Variants in ZNF71 observed in about 807,000 individuals in gnomAD.
ZNF71 encodes endothelial zinc finger protein induced by tumor necrosis factor alpha.
ZNF71 carries 3 observed loss-of-function variants against 6.7 expected under a neutral mutation model. The observed-to-expected ratio is 0.45, with a 90% CI of 0.20 to 1.16. The LOEUF (loss-of-function observed/expected upper bound fraction) is 1.16. Ranked by LOEUF, ZNF71 falls within the 50% of genes most tolerant of loss-of-function variation. The pLI is 0.25. For synonymous variants in ZNF71, 343 were observed against 311.1 expected, an observed-to-expected ratio of 1.10 and a Z score of -1.08; for missense variants, 688 against 728.6, an observed-to-expected ratio of 0.94 and a Z score of 0.64.
In ZNF71 at chr19:56,595,436, G is replaced by C. The variant is rs535922677; in HGVS notation, c.-53+8G>C. On this transcript the variant is annotated splice_region_variant and intron_variant, in intron 1 of 3. Coordinates refer to ENST00000599599, the MANE Select transcript of ZNF71 (RefSeq NM_001370215.1). ...GACGGCGTGCAGGCCCAGGTACGGG[G>C]AGTGCAGGGCTGGGTGCTGGTCCAG... 6.5e-6 allele frequency: 1 copy of C among 154,242 alleles called. No individual in the cohort carries two copies. The highest frequency in any genetic ancestry group is 1.4e-5 in the Non-Finnish European group (1 of 69,646). The allele number at this position is 154,242 out of a possible 1,614,324, so 9.6% of individuals were successfully genotyped here. A position where few individuals can be genotyped will look rare whatever the true frequency, so the allele number is the denominator to read the frequency against.
chr19:56,613,398 G>A lies in ZNF71; in HGVS notation c.34-414G>A, dbSNP rs1041287463. 1.3e-5 allele frequency among the ~76,000 whole-genome samples: 2 copies of A among 152,198 alleles called. No individual in the cohort carries two copies. The highest frequency in any genetic ancestry group is 1.3e-4 in the Admixed American group (2 of 15,274). On this transcript the variant is annotated intron_variant, in intron 2 of 3. Coordinates refer to ENST00000599599, the MANE Select transcript of ZNF71 (RefSeq NM_001370215.1). The surrounding 1 kb of genome is among the most constrained non-coding windows in gnomAD (Gnocchi z 4.6). ...TGAGGAACTAGTTCTTGAACATTTT[G>A]TGTCTGTATCCCAGCACTGGGCTTG... is the stretch of plus-strand genomic sequence containing the variant.
chr19:56,608,476 C>G (rs2044726476), intron 2 of ZNF71, among the ~76,000 whole-genome samples: 1 of 152,080 alleles, frequency 6.6e-6, no homozygotes, highest in Non-Finnish European at 1.5e-5. Context: ...GAATAATATC[C>G]CATTGTATGC....
rs1191650111 is a variant in ZNF71, at chr19:56,595,341, G to A, written c.-140G>A. ...GCGGCGAGCCGGTGAGTGTGGCTGC[G>A]GGGTCGCGCCCACCCTCTACCTGTG... On this transcript the variant is annotated 5_prime_UTR_variant, in exon 1 of 4. Transcript: ENST00000599599. 1 of 152,554 alleles carries A rather than the reference G, an allele frequency of 6.6e-6. No homozygotes were observed. Among genetic ancestry groups the A allele is most frequent in the African/African-American group, 2.4e-5 (1 of 41,474 alleles). 9.5% of individuals were successfully genotyped at this position (152,554 alleles called of 1,614,324 possible).
chr19:56,614,345 C>A (rs182084456), intron 3 of ZNF71, among the ~76,000 whole-genome samples: 1 of 152,138 alleles, frequency 6.6e-6, no homozygotes, highest in African/African-American at 2.4e-5. Context: ...AATAATAGCC[C>A]ATATTATGAG....
chr19:56,606,926 GACTCC>G (rs2044714365), intron 2 of ZNF71, among the ~76,000 whole-genome samples: 1 of 152,110 alleles, frequency 6.6e-6, no homozygotes, highest in Admixed American at 6.5e-5. Flanking sequence ...GGGGGAACTA[GACTCC>G]ACTAGTGAAG....
At position 56,613,256 on chromosome 19, in the gene ZNF71, C is replaced by CA. The variant is rs1353149807; in HGVS notation, c.34-553dup. On this transcript the variant is annotated intron_variant, in intron 2 of 3. Transcript: ENST00000599599. This position sits in a 1 kb window ranked among gnomAD's most constrained non-coding sequence, Gnocchi z 4.6. ...CCACCAGTTCTCTTCACAGACTACT[C>CA]AAAGTCTTCCTGGGCACCCCCCACA... 6.6e-6 allele frequency among the ~76,000 whole-genome samples: 1 copy of CA among 152,214 alleles called. No individual in the cohort carries two copies. Among genetic ancestry groups the CA allele is most frequent in the Non-Finnish European group, 1.5e-5 (1 of 68,044 alleles).
chr19:56,622,790 C>T lies in ZNF71; in HGVS notation c.*33C>T, dbSNP rs766334335. Reference sequence around the variant, plus strand: ...TGTGCAGGGCTCTCACTGGCGGTGCCCAGGACGGACGCCAGATGGCTGCGC... The same window carrying T: ...TGTGCAGGGCTCTCACTGGCGGTGCTCAGGACGGACGCCAGATGGCTGCGC... On this transcript the variant is annotated 3_prime_UTR_variant, in exon 4 of 4. Coordinates refer to ENST00000599599, the MANE Select transcript of ZNF71 (RefSeq NM_001370215.1). 5.1e-6 allele frequency: 8 copies of T among 1,557,834 alleles called. No homozygotes were observed. Among genetic ancestry groups the T allele is most frequent in the Non-Finnish European group, 7.0e-6 (8 of 1,150,148 alleles).
In ZNF71 at chr19:56,623,950, A is replaced by T. The variant is rs1190188200; in HGVS notation, c.*1193A>T. The T allele has an allele frequency of 1.2e-5, 2 of 167,126 alleles. No homozygotes were observed. The highest frequency in any genetic ancestry group is 2.9e-5 in the Non-Finnish European group (2 of 68,138). The allele number at this position is 167,126 out of a possible 1,614,324, so 10.4% of individuals were successfully genotyped here. Reference sequence around the variant, plus strand: ...TTGGGGATCAAGTTTCCAATATGTGAATACAGGGAAGCACCAACAGACCAT... The same window carrying T: ...TTGGGGATCAAGTTTCCAATATGTGTATACAGGGAAGCACCAACAGACCAT... On this transcript the variant is annotated 3_prime_UTR_variant, in exon 4 of 4. Transcript: ENST00000599599.
At chr19:56,611,301 C>T (rs1446517307) in intron 2 of ZNF71, among the ~76,000 whole-genome samples, 5 of 152,100 alleles carry the variant, frequency 3.3e-5, no homozygotes, top group African/African-American at 1.2e-4. Context: ...CATTACCTGC[C>T]GCTCTGGGTG....
At chr19:56,605,752 C>T (rs568385542) in intron 2 of ZNF71, among the ~76,000 whole-genome samples, 29 of 152,294 alleles carry the variant, frequency 1.9e-4, no homozygotes, top group African/African-American at 6.7e-4. Context: ...GCTTCAGGAT[C>T]GCTTGTGATC....
intron 2 of ZNF71, among the ~76,000 whole-genome samples, chr19:56,609,410 A>T (rs756312600): frequency 1.3e-5 from 2 of 152,172 alleles, no homozygotes; most frequent in African/African-American, 4.8e-5. Context: ...TACCACTCCA[A>T]AAAGAAACCC....
intron 2 of ZNF71, among the ~76,000 whole-genome samples, chr19:56,602,880 A>G (rs2044681830): frequency 1.3e-5 from 2 of 152,138 alleles, no homozygotes; most frequent in Admixed American, 1.3e-4. Context: ...GTCTTTCTTC[A>G]TCTTTAAGCT....
chr19:56,599,701 T>G (rs987959332), intron 1 of ZNF71, among the ~76,000 whole-genome samples: 20 of 151,402 alleles, frequency 1.3e-4, no homozygotes, highest in Middle Eastern at 6.8e-3. Context: ...GTTTTGTTTT[T>G]TTTTTTTTTT....
intron 1 of ZNF71, among the ~76,000 whole-genome samples, chr19:56,596,905 G>A (rs1179230441): frequency 1.3e-5 from 2 of 152,130 alleles, no homozygotes; most frequent in African/African-American, 4.8e-5. Context: ...AGAAAGGAAG[G>A]AAATGCCAAA....
chr19:56,615,560 T>TG (rs1443246899), intron 3 of ZNF71, among the ~76,000 whole-genome samples: 1 of 73,252 alleles, frequency 1.4e-5, no homozygotes, highest in Non-Finnish European at 2.3e-5. Context: ...CTTTTCCTGT[T>TG]TTTTTTTTTT....
In ZNF71 at chr19:56,598,709, C is replaced by T. The variant is rs1211972125; in HGVS notation, c.-52-2798C>T. On this transcript the variant is annotated intron_variant, in intron 1 of 3. Coordinates refer to ENST00000599599, the MANE Select transcript of ZNF71 (RefSeq NM_001370215.1). The surrounding 1 kb of genome is among the most constrained non-coding windows in gnomAD (Gnocchi z 4.2). ...ATAGCACTCCCCTGCCAAATTATGA[C>T]AGTTTGGCAAATGTCTCTAGACGTT... Among the ~76,000 whole-genome samples, 3 of 152,204 alleles carry T rather than the reference C, an allele frequency of 2.0e-5. No homozygotes were observed. The highest frequency in any genetic ancestry group is 6.5e-5 in the Admixed American group (1 of 15,292).
Position 56,623,234 on chromosome 19 carries a change from A to G in ZNF71, c.*477A>G, listed in dbSNP as rs2044880176. On this transcript the variant is annotated 3_prime_UTR_variant, in exon 4 of 4. Coordinates refer to ENST00000599599, the MANE Select transcript of ZNF71 (RefSeq NM_001370215.1). The stretch of plus-strand genomic sequence containing the variant: ...GGGTTGGGAGCGTGAGGGCCTTCCT[A>G]TCCCTCCACCCACCGTTTCCCTGCA... 3 of 174,454 alleles carry G rather than the reference A, an allele frequency of 1.7e-5. No homozygotes were observed. Among genetic ancestry groups the G allele is most frequent in the African/African-American group, 7.2e-5 (3 of 41,534 alleles). The allele number at this position is 174,454 out of a possible 1,614,324, so 10.8% of individuals were successfully genotyped here.
chr19:56,615,889 G>A (rs979541036), intron 3 of ZNF71, among the ~76,000 whole-genome samples: 1 of 152,070 alleles, frequency 6.6e-6, no homozygotes, highest in African/African-American at 2.4e-5. Context: ...ATTTATTCCT[G>A]TGTTTTATTC....
Position 56,597,347 on chromosome 19 carries a change from T to A in ZNF71, c.-53+1919T>A, listed in dbSNP as rs145683904. On this transcript the variant is annotated intron_variant, in intron 1 of 3. Transcript: ENST00000599599. ...TTAAATTGTGTTTCAAAAATGTTGATGGTAATATGAAGTTTCTACACCCAG... is the reference window on the plus strand; with the variant it reads ...TTAAATTGTGTTTCAAAAATGTTGAAGGTAATATGAAGTTTCTACACCCAG... Among the ~76,000 whole-genome samples, 3 of 152,206 alleles carry A rather than the reference T, an allele frequency of 2.0e-5. No individual in the cohort carries two copies. In the East Asian group the frequency reaches 5.8e-4, roughly 29 times the overall value.
Sources: gnomAD v4.1 joint callset for allele counts (sites outside exome capture counted in the v4.1 genomes callset) on GRCh38, gnomAD v4.1.1 for gene constraint, Gnocchi (gnomAD v3.1) non-coding constraint, MANE v1.5 for transcripts, NCBI Gene and HGNC (gene_info 2026-07-23, HGNC 2026-07-21) for gene names.